PRR11: variants seen among roughly 807,000 people sequenced by gnomAD.
PRR11 encodes proline-rich protein 11.
A neutral mutation model predicts 45.6 loss-of-function variants in PRR11; 30 were observed. The ratio of observed to expected loss-of-function variants is 0.66; its 90% CI spans 0.49 to 0.89. PRR11 has a LOEUF of 0.89. Among genes scored for constraint, PRR11 ranks in the 40% least tolerant of loss-of-function variants. The pLI, the probability that PRR11 is intolerant of heterozygous loss-of-function variation, is 0.00. For missense variants in PRR11, 373 were observed against 424.8 expected, an observed-to-expected ratio of 0.88 and a Z score of 1.07; for synonymous variants, 128 against 153.5, an observed-to-expected ratio of 0.83 and a Z score of 1.23.
In PRR11 at chr17:59,201,572, C is replaced by T; in HGVS notation, c.1024C>T (p.Pro342Ser). The T allele has an allele frequency of 6.2e-7, 1 of 1,612,230 alleles. No individual in the cohort carries two copies. Among genetic ancestry groups the T allele is most frequent in the Non-Finnish European group, 8.5e-7 (1 of 1,179,918 alleles). ...CTTTTTTTTTTTATAGCTGGCTCAC[C>T]CTAGAAGCCCAACTCCAACTCTGCC... is the stretch of plus-strand genomic sequence containing the variant. Reference protein sequence around the residue: ...ALRRKFQLAHPRSPTPTLPLS... With the variant: ...ALRRKFQLAHSRSPTPTLPLS... The change falls in exon 10 of 10, where the codon CCT becomes TCT. Residue 342 changes from proline to serine, a missense_variant. Transcript: ENST00000262293.
At position 59,161,183 on chromosome 17, in the gene PRR11, G is replaced by T. The variant is rs1314661016; in HGVS notation, c.-6+5378G>T. On this transcript the variant is annotated intron_variant, in intron 1 of 9. Transcript: ENST00000262293. ...GTACTTTGGGAGGCCGAGGGAGGCG[G>T]ATAACCTGAGGTCAGCAGTTCAAGA... 2.0e-4 allele frequency among the ~76,000 whole-genome samples: 31 copies of T among 152,104 alleles called. 1 individual carries two copies. Among genetic ancestry groups the T allele is most frequent in the Non-Finnish European group, 1.6e-4 (11 of 68,016 alleles).
At chr17:59,165,083 C>T (rs1466365360) in intron 1 of PRR11, among the ~76,000 whole-genome samples, 4 of 152,004 alleles carry the variant, frequency 2.6e-5, no homozygotes, top group Non-Finnish European at 4.4e-5. Context: ...TGCAGTGGCT[C>T]AGTCTCGGCT....
In PRR11 at chr17:59,179,861, C is replaced by T. The variant is rs2046771355; in HGVS notation, c.129-5193C>T. The T allele has an allele frequency of 6.7e-6, 9 of 1,342,426 alleles. No individual in the cohort carries two copies. The Admixed American group carries it at 1.2e-4, about 18-fold the overall frequency. 83.2% of individuals were successfully genotyped at this position (1,342,426 alleles called of 1,614,324 possible). On this transcript the variant is annotated intron_variant, in intron 2 of 9. Coordinates refer to ENST00000262293, the MANE Select transcript of PRR11 (RefSeq NM_018304.4). The stretch of plus-strand genomic sequence containing the variant: ...CCAGCAAAGGGACCCACACAGGGGG[C>T]TGGGATCTACCCCAGGGGCTGAGTA...
chr17:59,159,604 T>G lies in PRR11; in HGVS notation c.-6+3799T>G, dbSNP rs180714542. 3.3e-5 allele frequency among the ~76,000 whole-genome samples: 5 copies of G among 152,342 alleles called. No individual in the cohort carries two copies. The East Asian group carries it at 9.6e-4, about 29-fold the overall frequency. ...ATGACAATTATCTGCTTAAAATCCATTATTGTTTCTGATGTCTTGGTCCTT... is the reference window on the plus strand; with the variant it reads ...ATGACAATTATCTGCTTAAAATCCAGTATTGTTTCTGATGTCTTGGTCCTT... On this transcript the variant is annotated intron_variant, in intron 1 of 9. Coordinates refer to ENST00000262293, the MANE Select transcript of PRR11 (RefSeq NM_018304.4).
chr17:59,202,705 A>C lies in PRR11; in HGVS notation c.*1074A>C, dbSNP rs558958207. 7 of 152,320 alleles carry C rather than the reference A, an allele frequency of 4.6e-5. No homozygotes were observed. The highest frequency in any genetic ancestry group is 1.7e-4 in the African/African-American group (7 of 41,580). 9.4% of individuals were successfully genotyped at this position (152,320 alleles called of 1,614,324 possible). On this transcript the variant is annotated 3_prime_UTR_variant, in exon 10 of 10. Coordinates refer to ENST00000262293, the MANE Select transcript of PRR11 (RefSeq NM_018304.4). Reference sequence around the variant, plus strand: ...TATACAGCTACATAAAAATTTTATGACAACTTCAACATGAACCTTATATTT... The same window carrying C: ...TATACAGCTACATAAAAATTTTATGCCAACTTCAACATGAACCTTATATTT...
rs562441290 is a variant in PRR11 at position 59,158,542 on chromosome 17, T to A, written c.-6+2737T>A. ...TCTATTCAATCCAAAACTAAAAAAA[T>A]TTATGTATGTATATATTTGTACATA... On this transcript the variant is annotated intron_variant, in intron 1 of 9. Coordinates refer to ENST00000262293, the MANE Select transcript of PRR11 (RefSeq NM_018304.4). 1.1e-4 allele frequency among the ~76,000 whole-genome samples: 17 copies of A among 152,332 alleles called. No homozygotes were observed. The East Asian group carries it at 3.1e-3, about 28-fold the overall frequency.
intron 9 of PRR11, among the ~76,000 whole-genome samples, chr17:59,199,695 G>C (rs147971696): frequency 6.6e-6 from 1 of 152,198 alleles, no homozygotes; most frequent in Non-Finnish European, 1.5e-5. Flanking sequence ...TGGATGCAGG[G>C]ACATAGCAGA....
At chr17:59,189,124 C>A (rs1395148048) in intron 4 of PRR11, among the ~76,000 whole-genome samples, 4 of 151,036 alleles carry the variant, frequency 2.6e-5, no homozygotes, top group Admixed American at 6.6e-5. Context: ...CATGATGAAA[C>A]CCCCTCTCTA....
At chr17:59,157,756 A>G (rs2046633355) in intron 1 of PRR11, among the ~76,000 whole-genome samples, 1 of 152,170 alleles carries the variant, frequency 6.6e-6, no homozygotes, top group Non-Finnish European at 1.5e-5. Context: ...GGTGTTGTTC[A>G]GGATTGTATG....
Position 59,164,686 on chromosome 17 carries a change from A to G in PRR11, c.-5-5062A>G, listed in dbSNP as rs962126676. The stretch of plus-strand genomic sequence containing the variant: ...GGACTTCAAGACCAGCCTGGCCAAC[A>G]TGGTGAAACCCCATCTCTACTAAAA... On this transcript the variant is annotated intron_variant, in intron 1 of 9. Coordinates refer to ENST00000262293, the MANE Select transcript of PRR11 (RefSeq NM_018304.4). Among the ~76,000 whole-genome samples the G allele has an allele frequency of 2.6e-5, 4 of 152,132 alleles. No individual in the cohort carries two copies. In the East Asian group the frequency reaches 5.8e-4, roughly 22 times the overall value.
At position 59,194,807 on chromosome 17, in the gene PRR11, G is replaced by A; in HGVS notation, c.696G>A (p.Leu232=). 1 of 1,613,780 alleles carries A rather than the reference G, an allele frequency of 6.2e-7. No individual in the cohort carries two copies. Among genetic ancestry groups the A allele is most frequent in the South Asian group, 1.1e-5 (1 of 91,058 alleles). ...CCATGCAGATAACAGTTAAAGATCT[G>A]CTGACTGTAAAATTAAAGAAGACAC... ...DGPMQITVKD[L]LTVKLKKTQS... is the part of the protein sequence containing the mutation. The change falls in exon 6 of 10, where the codon CTG becomes CTA. Residue 232 remains leucine (L), a synonymous_variant. Coordinates refer to ENST00000262293, the MANE Select transcript of PRR11 (RefSeq NM_018304.4).
intron 2 of PRR11, among the ~76,000 whole-genome samples, chr17:59,180,127 C>CTTTTT (rs564643757): frequency 8.7e-6 from 1 of 114,942 alleles, no homozygotes; most frequent in Non-Finnish European, 1.7e-5. Context: ...TGAGTCTCTC[C>CTTTTT]TTTTTTTTTT....
Position 59,205,488 on chromosome 17 carries a change from G to A in PRR11, c.*3857G>A, listed in dbSNP as rs551054932. On this transcript the variant is annotated 3_prime_UTR_variant, in exon 10 of 10. Coordinates refer to ENST00000262293, the MANE Select transcript of PRR11 (RefSeq NM_018304.4). ...AGGCCGAGGCAGGCAGATCACCTGAGGTCAAGAGTTCGAGACCAGTCTGGC... is the reference window on the plus strand; with the variant it reads ...AGGCCGAGGCAGGCAGATCACCTGAAGTCAAGAGTTCGAGACCAGTCTGGC... 1.4e-4 allele frequency among the ~76,000 whole-genome samples: 21 copies of A among 150,902 alleles called. No homozygotes were observed. The East Asian group carries it at 3.9e-3, about 28-fold the overall frequency.
rs147409892 is a variant in PRR11 at position 59,167,240 on chromosome 17, G to A, written c.-5-2508G>A. Among the ~76,000 whole-genome samples the A allele has an allele frequency of 6.2e-4, 95 of 152,228 alleles. 2 individuals are homozygous for A. Among genetic ancestry groups the A allele is most frequent in the African/African-American group, 2.2e-3 (91 of 41,528 alleles). On this transcript the variant is annotated intron_variant, in intron 1 of 9. Transcript: ENST00000262293. ...ACAGTGATGTTTTGATACATATAAT[G>A]TATAGTGAATAGGTCAGGGTAGTTA...
chr17:59,190,031 G>A (rs2046833912), intron 4 of PRR11, among the ~76,000 whole-genome samples: 2 of 152,102 alleles, frequency 1.3e-5, no homozygotes, highest in African/African-American at 4.8e-5. Flanking sequence ...GTGTGTGTAT[G>A]TGTGAAATAA....
At chr17:59,188,961 A>AATAAT (rs1306957329) in intron 4 of PRR11, among the ~76,000 whole-genome samples, 1 of 149,212 alleles carries the variant, frequency 6.7e-6, no homozygotes, top group Admixed American at 6.7e-5. Context: ...TAATAATAAT[A>AATAAT]ATAATAATAA....
chr17:59,163,994 G>T (rs2046666834), intron 1 of PRR11, among the ~76,000 whole-genome samples: 1 of 152,240 alleles, frequency 6.6e-6, no homozygotes, highest in South Asian at 2.1e-4. Context: ...GAACTTGGGG[G>T]GTGGGCGGAG....
Position 59,195,314 on chromosome 17 carries a change from T to C in PRR11, c.745-17T>C. On this transcript the variant is annotated splice_polypyrimidine_tract_variant and intron_variant, in intron 6 of 9. Coordinates refer to ENST00000262293, the MANE Select transcript of PRR11 (RefSeq NM_018304.4). ...TTTTAAAATTTGTTTTAATAATGTC[T>C]CATTTTATAATTAAAGCTTATACCA... 6 of 1,576,316 alleles carry C rather than the reference T, an allele frequency of 3.8e-6. No individual in the cohort carries two copies. Among genetic ancestry groups the C allele is most frequent in the Non-Finnish European group, 5.2e-6 (6 of 1,148,320 alleles).
intron 2 of PRR11, among the ~76,000 whole-genome samples, chr17:59,183,913 C>T (rs557244502): frequency 1.3e-5 from 2 of 152,080 alleles, no homozygotes; most frequent in Admixed American, 1.3e-4. Context: ...GTGTAGGCAA[C>T]ATAGCATGAC....
Sources: gnomAD v4.1 joint callset for allele counts (sites outside exome capture counted in the v4.1 genomes callset) on GRCh38, gnomAD v4.1.1 for gene constraint, MANE v1.5 for transcripts, NCBI Gene and HGNC (gene_info 2026-07-23, HGNC 2026-07-21) for gene names.